Variants in LHCGR observed in about 807,000 individuals in gnomAD.
LHCGR encodes the protein lutropin-choriogonadotropic hormone receptor.
A neutral mutation model predicts 60.7 loss-of-function variants in LHCGR; 55 were observed. That is an observed-to-expected ratio of 0.91 (90% CI 0.73 to 1.13). The LOEUF (loss-of-function observed/expected upper bound fraction) is 1.13. Ranked by LOEUF, LHCGR falls within the 50% of genes most tolerant of loss-of-function variation. The pLI is 0.00. For synonymous variants in LHCGR, 337 were observed against 316.5 expected, an observed-to-expected ratio of 1.06 and a Z score of -0.69; for missense variants, 862 against 836.0, an observed-to-expected ratio of 1.03 and a Z score of -0.38.
intron 3 of LHCGR, 56 bp downstream of exon 3, chr2:48,729,097 C>T: frequency 7.6e-7 from 1 of 1,320,084 alleles, no homozygotes; most frequent in Non-Finnish European, 1.1e-6. Context: ...CAAGTGGGCT[C>T]CAGCCAGTGA....
intron 3 of LHCGR, among the ~76,000 whole-genome samples, chr2:48,727,965 C>T (rs1046305939): frequency 1.3e-5 from 2 of 152,204 alleles, no homozygotes; most frequent in African/African-American, 4.8e-5. Flanking sequence ...TGGGATTGAA[C>T]CCCAGTCCTG....
intron 1 of LHCGR, among the ~76,000 whole-genome samples, chr2:48,735,027 G>T (rs1669154762): frequency 6.6e-6 from 1 of 152,084 alleles, no homozygotes; most frequent in Non-Finnish European, 1.5e-5. Flanking sequence ...TTGCAGTTTT[G>T]AACTTTTGTT....
intron 5 of LHCGR, 30 bp from the exon 6 acceptor site, chr2:48,723,563 T>G (rs375384164): frequency 7.3e-5 from 117 of 1,606,108 alleles, no homozygotes; most frequent in Non-Finnish European, 9.7e-5. Flanking sequence ...AATATTTACT[T>G]TCTAAATTTT....
intron 1 of LHCGR, among the ~76,000 whole-genome samples, chr2:48,740,274 T>C (rs1186980278): frequency 1.3e-5 from 2 of 152,198 alleles, no homozygotes; most frequent in Non-Finnish European, 2.9e-5. Flanking sequence ...GAGGGGCGCC[T>C]GCCATTGCCC....
chr2:48,715,744 C>T (rs1201937061), intron 6 of LHCGR, among the ~76,000 whole-genome samples: 1 of 152,088 alleles, frequency 6.6e-6, no homozygotes, highest in Non-Finnish European at 1.5e-5. Flanking sequence ...TGAGACAAAC[C>T]AACATATAAA....
At chr2:48,724,565 G>A (rs578087022) in intron 4 of LHCGR, among the ~76,000 whole-genome samples, 1 of 152,280 alleles carries the variant, frequency 6.6e-6, no homozygotes, top group South Asian at 2.1e-4. Context: ...ATAGCAGTGT[G>A]GGATTAGACT....
chr2:48,754,002 A>C (rs923659397), intron 1 of LHCGR, among the ~76,000 whole-genome samples: 2 of 152,196 alleles, frequency 1.3e-5, no homozygotes, highest in African/African-American at 4.8e-5. Flanking sequence ...CAAGTGAGAA[A>C]GTCTGTTAGT....
chr2:48,735,271 T>C (rs578049340), intron 1 of LHCGR, among the ~76,000 whole-genome samples: 7 of 152,346 alleles, frequency 4.6e-5, no homozygotes, highest in Admixed American at 2.6e-4. Context: ...TTCATCCTAG[T>C]ACTGGGATCT....
chr2:48,686,786 A>T lies in LHCGR; in HGVS notation c.*911T>A, dbSNP rs1179852869. On this transcript the variant is annotated 3_prime_UTR_variant, in exon 11 of 11. Coordinates refer to ENST00000294954, the MANE Select transcript of LHCGR (RefSeq NM_000233.4). ...TGATGAAACTTAATTATTTTTAAATATTTAAACATTTTATTTCATTCAAAT... is the reference window on the plus strand; with the variant it reads ...TGATGAAACTTAATTATTTTTAAATTTTTAAACATTTTATTTCATTCAAAT... 1 of 152,194 alleles carries T rather than the reference A, an allele frequency of 6.6e-6. No homozygotes were observed. Among genetic ancestry groups the T allele is most frequent in the Non-Finnish European group, 1.5e-5 (1 of 68,026 alleles). The allele number at this position is 152,194 out of a possible 1,614,324, so 9.4% of individuals were successfully genotyped here.
chr2:48,706,555 T>C (rs1026732283), intron 8 of LHCGR, among the ~76,000 whole-genome samples: 3 of 152,232 alleles, frequency 2.0e-5, no homozygotes, highest in African/African-American at 7.2e-5. Context: ...TCTTTTAACA[T>C]AGTCCCATAT....
At chr2:48,730,609 A>G (rs1399225629) in intron 2 of LHCGR, among the ~76,000 whole-genome samples, 1 of 152,200 alleles carries the variant, frequency 6.6e-6, no homozygotes, top group Non-Finnish European at 1.5e-5. Context: ...GCTAATATTA[A>G]GAAAGATGCT....
chr2:48,752,981 C>CGGGGGGGGGGGGGGGG (rs60837194), intron 1 of LHCGR, among the ~76,000 whole-genome samples: 66 of 7,530 alleles, frequency 8.8e-3, no homozygotes, highest in Non-Finnish European at 0.011. Flanking sequence ...CGGATTTTGG[C>CGGGGGGGGGGGGGGGG]GGGGGGGGGG....
rs189210701 is a variant in LHCGR at position 48,735,072 on chromosome 2, C to T, written c.162-3774G>A. ...ATTGATGAGGCAACGCAGGTGGCACCTTGCCCAAGTGCCTTTGCCACAGAT... is the reference window on the plus strand; with the variant it reads ...ATTGATGAGGCAACGCAGGTGGCACTTTGCCCAAGTGCCTTTGCCACAGAT... On this transcript the variant is annotated intron_variant, in intron 1 of 10. Transcript: ENST00000294954. Among the ~76,000 whole-genome samples the T allele has an allele frequency of 4.6e-5, 7 of 152,364 alleles. No individual in the cohort carries two copies. The East Asian group carries it at 1.3e-3, about 29-fold the overall frequency.
At chr2:48,741,067 G>A (rs1400061528) in intron 1 of LHCGR, among the ~76,000 whole-genome samples, 14 of 151,752 alleles carry the variant, frequency 9.2e-5, no homozygotes, top group African/African-American at 2.4e-4. Flanking sequence ...GAGCTGATGC[G>A]ATCAACTGGA....
At chr2:48,731,452 A>G (rs975609422) in intron 1 of LHCGR, among the ~76,000 whole-genome samples, 154 bp from the exon 2 acceptor site, 13 of 152,186 alleles carry the variant, frequency 8.5e-5, no homozygotes, top group East Asian at 1.9e-4. Flanking sequence ...ACTTAAATCA[A>G]TGAAGAGATG....
chr2:48,748,353 G>C (rs4075876), intron 1 of LHCGR, among the ~76,000 whole-genome samples: 79 of 152,068 alleles, frequency 5.2e-4, no homozygotes, highest in South Asian at 1.9e-3. Context: ...ATGGGGAAAG[G>C]GGGGAGGAAA....
chr2:48,741,431 C>T lies in LHCGR; in HGVS notation c.162-10133G>A, dbSNP rs527297766. Reference sequence around the variant, plus strand: ...GAAATGAAAGAAAAAATGTTAAGGACAGCCAGAGAGAAAGGTCAGGTTACC... The same window carrying T: ...GAAATGAAAGAAAAAATGTTAAGGATAGCCAGAGAGAAAGGTCAGGTTACC... On this transcript the variant is annotated intron_variant, in intron 1 of 10. Transcript: ENST00000294954. Among the ~76,000 whole-genome samples the T allele has an allele frequency of 4.2e-5, 6 of 144,534 alleles. No individual in the cohort carries two copies. In the South Asian group the frequency reaches 1.4e-3, roughly 34 times the overall value. The allele number at this position is 144,534 out of a possible 152,430, so 94.8% of individuals were successfully genotyped here.
chr2:48,746,469 C>G (rs536740020), intron 1 of LHCGR, among the ~76,000 whole-genome samples: 7 of 152,200 alleles, frequency 4.6e-5, no homozygotes, highest in African/African-American at 7.2e-5. Flanking sequence ...GAGAGCCACT[C>G]TGCAGATTTT....
intron 8 of LHCGR, among the ~76,000 whole-genome samples, chr2:48,700,024 T>C (rs543443376): frequency 6.6e-6 from 1 of 152,318 alleles, no homozygotes; most frequent in East Asian, 1.9e-4. Context: ...AGATGGAAGA[T>C]GAACTTGACA....
Sources: allele counts gnomAD v4.1 joint callset (sites outside exome capture counted in the v4.1 genomes callset), GRCh38; gene constraint gnomAD v4.1.1; transcripts MANE v1.5; gene names NCBI Gene and HGNC (gene_info 2026-07-23, HGNC 2026-07-21).